CRISPLD2: variants seen among roughly 807,000 people sequenced by gnomAD.
CRISPLD2 encodes the protein cysteine-rich secretory protein LCCL domain-containing 2.
In CRISPLD2, 47 loss-of-function variants were observed where a neutral mutation model predicts 71.1. That is an observed-to-expected ratio of 0.66 (90% CI 0.52 to 0.84). The LOEUF is 0.84. Among genes scored for constraint, CRISPLD2 ranks in the 40% least tolerant of loss-of-function variants. The pLI is 0.00. For missense variants in CRISPLD2, 830 were observed against 651.1 expected (o/e 1.27, Z -2.99); for synonymous variants, 317 against 250.1 (o/e 1.27, Z -2.52).
intron 11 of CRISPLD2, among the ~76,000 whole-genome samples, chr16:84,876,366 G>A (rs1047529026): frequency 6.6e-6 from 1 of 151,890 alleles, no homozygotes; most frequent in Admixed American, 6.6e-5. Flanking sequence ...TCCAGGTGTG[G>A]TGGCAGGCAC....
chr16:84,836,128 G>A (rs1393314391), intron 1 of CRISPLD2: 1 of 152,154 alleles, frequency 6.6e-6, no homozygotes, highest in Admixed American at 6.5e-5. Context: ...ATTACCTTCA[G>A]GCTACATGTA....
rs1364956372 is a variant in CRISPLD2, at chr16:84,838,642, A to C, written c.147A>C (p.Arg49Ser). ...QHNESHSRVR[R>S]AIPREDKEEI... ...ACGAGTCTCACTCCCGGGTCCGCAG[A>C]GCCATCCCCAGGGAGGACAAGGAGG... The change falls in exon 2 of 15, where the codon AGA (arginine) becomes AGC (serine). Residue 49 changes from arginine (R) to serine (S), a missense_variant. Coordinates refer to ENST00000262424, the MANE Select transcript of CRISPLD2 (RefSeq NM_031476.4). 2 of 1,614,194 alleles carry C rather than the reference A, an allele frequency of 1.2e-6. No homozygotes were observed. The highest frequency in any genetic ancestry group is 1.7e-6 in the Non-Finnish European group (2 of 1,180,004).
rs558176005 is a variant in CRISPLD2, at chr16:84,873,126, A to T, written c.1112+4A>T. On this transcript the variant is annotated splice_donor_region_variant and intron_variant, in intron 10 of 14. Transcript: ENST00000262424. ...GACACGGCGTGCAGTCCCTCAGGTA[A>T]CTACTCTGTGATCGGGGCTCTGTGA... 32 of 1,610,112 alleles carry T rather than the reference A, an allele frequency of 2.0e-5. No individual in the cohort carries two copies. The South Asian group carries it at 2.0e-4, about 10-fold the overall frequency.
chr16:84,883,730 A>AT (rs1488853937), intron 13 of CRISPLD2, among the ~76,000 whole-genome samples: 1 of 151,850 alleles, frequency 6.6e-6, no homozygotes, highest in African/African-American at 2.4e-5. Context: ...TCCCTTGGGA[A>AT]TTTTCTATTG....
At chr16:84,880,385 A>G in intron 12 of CRISPLD2, 124 bp from the exon 13 acceptor site, 1 of 675,988 alleles carries the variant, frequency 1.5e-6, no homozygotes, top group South Asian at 2.6e-5. Context: ...TTAATGAGGA[A>G]AACTGTATGG....
rs569269996 is a variant in CRISPLD2 at position 84,852,542 on chromosome 16, G to A, written c.608+1859G>A. Among the ~76,000 whole-genome samples, 4 of 152,338 alleles carry A rather than the reference G, an allele frequency of 2.6e-5. No individual in the cohort carries two copies. The South Asian group carries it at 8.3e-4, about 32-fold the overall frequency. ...CACCGGTTCTTTCCTTTTGTCTGCT[G>A]CATATTACTGCGTGCTGTCCATGGC... On this transcript the variant is annotated intron_variant, in intron 5 of 14. Transcript: ENST00000262424.
intron 8 of CRISPLD2, among the ~76,000 whole-genome samples, chr16:84,871,712 C>T (rs548408500): frequency 1.2e-4 from 18 of 151,998 alleles, no homozygotes; most frequent in African/African-American, 3.4e-4. Flanking sequence ...CCACCACACG[C>T]GGCTAATTTT....
chr16:84,887,209 C>G (rs1413035722), intron 13 of CRISPLD2, among the ~76,000 whole-genome samples: 1 of 152,222 alleles, frequency 6.6e-6, no homozygotes, highest in Non-Finnish European at 1.5e-5. Flanking sequence ...CAGCCCCGCC[C>G]TCCTGCTGAG....
At position 84,906,657 on chromosome 16, in the gene CRISPLD2, G is replaced by A; in HGVS notation, c.*15G>A. On this transcript the variant is annotated 3_prime_UTR_variant, in exon 15 of 15. Transcript: ENST00000262424. ...TCAGGCAGTGAATTTCCAGCACCAG[G>A]GGAGAAGGGGCGTCTTCAGGAGGGC... is the stretch of plus-strand genomic sequence containing the variant. 2 of 1,614,116 alleles carry A rather than the reference G, an allele frequency of 1.2e-6. No individual in the cohort carries two copies. Among genetic ancestry groups the A allele is most frequent in the Non-Finnish European group, 1.7e-6 (2 of 1,179,988 alleles).
Position 84,825,833 on chromosome 16 carries a change from AG to A in CRISPLD2, c.-75+5703del, listed in dbSNP as rs374031377. Among the ~76,000 whole-genome samples the A allele has an allele frequency of 1.2e-4, 19 of 152,126 alleles. No homozygotes were observed. In the East Asian group the frequency reaches 3.7e-3, roughly 29 times the overall value. On this transcript the variant is annotated intron_variant, in intron 1 of 14. Transcript: ENST00000262424. ...AGAAAAAAAATTAGCCAGCCGTGGT[AG>A]GGCACACCTGTAATTCCAGCTTCTT...
chr16:84,841,322 C>T (rs975524919), intron 2 of CRISPLD2, among the ~76,000 whole-genome samples: 1 of 152,094 alleles, frequency 6.6e-6, no homozygotes, highest in African/African-American at 2.4e-5. Flanking sequence ...GCCACCACCG[C>T]CTCGTGAGTC....
chr16:84,830,639 G>A (rs1207642280), intron 1 of CRISPLD2, among the ~76,000 whole-genome samples: 10 of 152,030 alleles, frequency 6.6e-5, no homozygotes, highest in Admixed American at 5.9e-4. Flanking sequence ...GGCGGTGGAG[G>A]TTGCAGTGAG....
At position 84,845,812 on chromosome 16, in the gene CRISPLD2, T is replaced by G. The variant is rs748000255; in HGVS notation, c.267T>G (p.Ser89=). 18 of 1,613,926 alleles carry G rather than the reference T, an allele frequency of 1.1e-5. No individual in the cohort carries two copies. Among genetic ancestry groups the G allele is most frequent in the Admixed American group, 3.3e-5 (2 of 60,012 alleles). The stretch of plus-strand genomic sequence containing the variant: ...CCTGGGATGACGAACTGGAGAAGTC[T>G]GCTGCAGCGTGGGCCAGTCAGTGCA... ...YMTWDDELEK[S]AAAWASQCIW... The change falls in exon 3 of 15, where the codon TCT becomes TCG. Residue 89 remains serine, a synonymous_variant. Transcript: ENST00000262424.
chr16:84,902,842 C>T (rs1430722601), intron 14 of CRISPLD2, among the ~76,000 whole-genome samples: 2 of 133,036 alleles, frequency 1.5e-5, no homozygotes, highest in East Asian at 2.6e-4. Flanking sequence ...GGCGTGATCT[C>T]GCTCACCGCA....
At chr16:84,832,386 C>T (rs1450587077) in intron 1 of CRISPLD2, among the ~76,000 whole-genome samples, 1 of 152,260 alleles carries the variant, frequency 6.6e-6, no homozygotes, top group Non-Finnish European at 1.5e-5. Context: ...GGTCTCTCTT[C>T]CCCGACAGCC....
intron 13 of CRISPLD2, 109 bp from the exon 14 acceptor site, chr16:84,889,121 T>C: frequency 7.2e-7 from 1 of 1,396,520 alleles, no homozygotes. Context: ...GTTGATGGGG[T>C]CCACATCCCA....
intron 14 of CRISPLD2, among the ~76,000 whole-genome samples, chr16:84,894,074 A>C (rs972274240): frequency 2.6e-5 from 4 of 152,214 alleles, no homozygotes; most frequent in Non-Finnish European, 5.9e-5. Context: ...GTTCTGCTTC[A>C]CAGTGGTTTT....
intron 8 of CRISPLD2, among the ~76,000 whole-genome samples, 198 bp downstream of exon 8, chr16:84,869,109 G>C (rs2071442849): frequency 6.6e-6 from 1 of 152,236 alleles, no homozygotes; most frequent in African/African-American, 2.4e-5. Context: ...GATCCTATGG[G>C]AATGCTGCAG....
chr16:84,849,330 C>T lies in CRISPLD2; in HGVS notation c.360-55C>T. The T allele has an allele frequency of 3.9e-6, 6 of 1,542,332 alleles. No homozygotes were observed. The South Asian group carries it at 4.8e-5, about 12-fold the overall frequency. ...TACCTGCCCGTGGCTGCTGCTGTCTCCACTGGTGGGTGAGGGGAGGGGCTG... is the reference window on the plus strand; with the variant it reads ...TACCTGCCCGTGGCTGCTGCTGTCTTCACTGGTGGGTGAGGGGAGGGGCTG... On this transcript the variant is annotated intron_variant, in intron 3 of 14. Coordinates refer to ENST00000262424, the MANE Select transcript of CRISPLD2 (RefSeq NM_031476.4).
Sources: allele counts gnomAD v4.1 joint callset (sites outside exome capture counted in the v4.1 genomes callset), GRCh38; gene constraint gnomAD v4.1.1; transcripts MANE v1.5; gene names NCBI Gene and HGNC (gene_info 2026-07-23, HGNC 2026-07-21).